The following ALG14 variants were observed in gnomAD, a reference collection of about 807,000 sequenced individuals.
ALG14 encodes ALG14 UDP-N-acetylglucosaminyltransferase subunit.
A neutral mutation model predicts 22.8 loss-of-function variants in ALG14; 17 were observed. The observed-to-expected ratio is 0.75, with a 90% confidence interval of 0.51 to 1.12. The LOEUF (loss-of-function observed/expected upper bound fraction) is 1.12, where lower values mean the gene tolerates loss of function less well. Ranked by LOEUF, ALG14 falls within the 50% of genes most tolerant of loss-of-function variation. ALG14 has a pLI of 0.00. For missense variants in ALG14, 288 were observed against 271.8 expected, an observed-to-expected ratio of 1.06 and a Z score of -0.42; for synonymous variants, 89 against 103.7, an observed-to-expected ratio of 0.86 and a Z score of 0.86.
At chr1:95,048,561 G>A (rs550236324) in intron 2 of ALG14, among the ~76,000 whole-genome samples, 2 of 152,194 alleles carry the variant, frequency 1.3e-5, no homozygotes, top group East Asian at 3.9e-4. Context: ...GGATGTCCCT[G>A]CTGAAACATG....
At position 95,024,158 on chromosome 1, in the gene ALG14, T is replaced by C. The variant is rs559899549; in HGVS notation, c.420+2971A>G. On this transcript the variant is annotated intron_variant, in intron 3 of 3. Transcript: ENST00000370205. ...GATCCGGCTAATTTTTTTGTATTTT[T>C]AGTAGAGATGGGATTTCACTGTGTT... 1.1e-3 allele frequency among the ~76,000 whole-genome samples: 165 copies of C among 152,330 alleles called. 2 individuals carry two copies. The South Asian group carries it at 0.015, about 14-fold the overall frequency.
chr1:94,993,519 C>T (rs370504910), intron 3 of ALG14, among the ~76,000 whole-genome samples: 32 of 151,166 alleles, frequency 2.1e-4, no homozygotes, highest in Non-Finnish European at 4.3e-4. Context: ...TTACCAAGGG[C>T]AGTATTTTCT....
chr1:95,021,671 C>T (rs1299509353), intron 3 of ALG14, among the ~76,000 whole-genome samples: 1 of 152,170 alleles, frequency 6.6e-6, no homozygotes, highest in African/African-American at 2.4e-5. Flanking sequence ...ATTATTCATG[C>T]ATCTAAGGTC....
intron 3 of ALG14, among the ~76,000 whole-genome samples, chr1:94,991,841 G>C (rs1040654086): frequency 1.5e-5 from 2 of 137,858 alleles, no homozygotes; most frequent in African/African-American, 5.8e-5. Flanking sequence ...TGAACAAAAA[G>C]ATTTTTTATA....
intron 3 of ALG14, among the ~76,000 whole-genome samples, chr1:95,015,460 A>G (rs890417397): frequency 2.0e-5 from 3 of 152,228 alleles, no homozygotes; most frequent in African/African-American, 7.2e-5. Context: ...TTAAATGCTA[A>G]GCTCTAAGTT....
At position 94,978,252 on chromosome 1, in the gene ALG14, G is replaced by C; in HGVS notation, c.*4824C>G. 6.6e-6 allele frequency: 1 copy of C among 151,722 alleles called. No individual in the cohort carries two copies. Among genetic ancestry groups the C allele is most frequent in the Non-Finnish European group, 1.5e-5 (1 of 67,986 alleles). 9.4% of individuals were successfully genotyped at this position (151,722 alleles called of 1,614,324 possible). A position where few individuals can be genotyped will look rare whatever the true frequency, so the allele number is the denominator to read the frequency against. ...AATTTTTTGTATTTTTAGTAGAGAT[G>C]GGGTTTCACCATCTTGGCCAGGCTG... On this transcript the variant is annotated 3_prime_UTR_variant, in exon 4 of 4. Coordinates refer to ENST00000370205, the MANE Select transcript of ALG14 (RefSeq NM_144988.4).
At chr1:95,072,680 G>C in intron 1 of ALG14, 83 bp downstream of exon 1, 2 of 1,555,804 alleles carry the variant, frequency 1.3e-6, no homozygotes, top group Non-Finnish European at 1.8e-6. Flanking sequence ...GAAGTGCTAA[G>C]GGTACCAGGG....
intron 3 of ALG14, chr1:94,983,563 C>T: frequency 2.1e-6 from 1 of 472,128 alleles, no homozygotes; most frequent in Non-Finnish European, 3.8e-6. Flanking sequence ...TAACTTCTAG[C>T]ACAGTTCCTG....
intron 2 of ALG14, among the ~76,000 whole-genome samples, chr1:95,051,410 T>A (rs1303256245): frequency 6.6e-6 from 1 of 152,190 alleles, no homozygotes; most frequent in African/African-American, 2.4e-5. Flanking sequence ...GTCTAAGCCA[T>A]GCTGATCTCT....
chr1:94,986,574 G>A (rs764063827), intron 3 of ALG14, among the ~76,000 whole-genome samples: 2 of 151,910 alleles, frequency 1.3e-5, no homozygotes, highest in Non-Finnish European at 2.9e-5. Context: ...CCTGGTTCAC[G>A]TGATTCTCCT....
intron 3 of ALG14, among the ~76,000 whole-genome samples, chr1:94,983,945 CA>C (rs199504728): frequency 0.019 from 2,850 of 151,744 alleles, 48 homozygotes; most frequent in Non-Finnish European, 0.028. Context: ...GGGGTTTCAC[CA>C]TGTTAGCCAG....
rs752690200 is a variant in ALG14 at position 94,983,213 on chromosome 1, C to T, written c.514G>A (p.Val172Ile). 7 of 1,613,982 alleles carry T rather than the reference C, an allele frequency of 4.3e-6. No individual in the cohort carries two copies. The highest frequency in any genetic ancestry group is 3.3e-5 in the South Asian group (3 of 91,090). Reference sequence around the variant, plus strand: ...GTTTCTACACGGCAGATGCTTTCAACGTAGACAATGATCACTTTCTTTATT... The same window carrying T: ...GTTTCTACACGGCAGATGCTTTCAATGTAGACAATGATCACTTTCTTTATT... ...LGIKKVIIVY[V>I]ESICRVETLS... The change falls in exon 4 of 4, where the codon GTT (valine) becomes ATT (isoleucine). Residue 172 changes from valine (V) to isoleucine (I), a missense_variant. Physicochemically the swap from Val to Ile is conservative, Grantham distance 29. Coordinates refer to ENST00000370205, the MANE Select transcript of ALG14 (RefSeq NM_144988.4).
chr1:94,986,714 T>C (rs1672653896), intron 3 of ALG14, among the ~76,000 whole-genome samples: 1 of 151,574 alleles, frequency 6.6e-6, no homozygotes, highest in African/African-American at 2.4e-5. Context: ...CTCATGATCC[T>C]CCTGTCTTGG....
At chr1:95,056,834 G>A (rs896505648) in intron 2 of ALG14, among the ~76,000 whole-genome samples, 5 of 151,662 alleles carry the variant, frequency 3.3e-5, no homozygotes, top group East Asian at 4.1e-4. Flanking sequence ...CAAGGCGGGC[G>A]GATCACGTGG....
intron 2 of ALG14, among the ~76,000 whole-genome samples, chr1:95,046,159 A>G (rs549260600): frequency 6.6e-6 from 1 of 152,262 alleles, no homozygotes; most frequent in East Asian, 1.9e-4. Context: ...TCTACACCAT[A>G]TATTTATACT....
At chr1:95,068,710 T>G (rs145397154) in intron 1 of ALG14, among the ~76,000 whole-genome samples, 2 of 152,342 alleles carry the variant, frequency 1.3e-5, no homozygotes, top group Non-Finnish European at 2.9e-5. Flanking sequence ...GCTTATTTGA[T>G]TACAAGTCTT....
chr1:95,062,588 C>T (rs1442821861), intron 2 of ALG14, among the ~76,000 whole-genome samples: 2 of 152,136 alleles, frequency 1.3e-5, no homozygotes, highest in African/African-American at 2.4e-5. Flanking sequence ...CTGAGGATAA[C>T]GGCTTCTGGC....
At chr1:95,040,780 C>G (rs1674354552) in intron 2 of ALG14, among the ~76,000 whole-genome samples, 1 of 151,982 alleles carries the variant, frequency 6.6e-6, no homozygotes, top group East Asian at 1.9e-4. Context: ...AATGGAGAAA[C>G]AACAGTACTA....
chr1:95,041,597 CAGTG>C (rs1674380713), intron 2 of ALG14: 2 of 133,392 alleles, frequency 1.5e-5, no homozygotes, highest in Non-Finnish European at 3.1e-5. Flanking sequence ...CCTGGGCAGA[CAGTG>C]AGACCCCGTC....
Sources: gnomAD v4.1 joint callset for allele counts (sites outside exome capture counted in the v4.1 genomes callset) on GRCh38, gnomAD v4.1.1 for gene constraint, MANE v1.5 for transcripts, NCBI Gene and HGNC (gene_info 2026-07-23, HGNC 2026-07-21) for gene names.